Variants in RTN4 observed in about 807,000 individuals in gnomAD.
The protein encoded by RTN4 is reticulon-4.
In RTN4, 32 loss-of-function variants were observed where a neutral mutation model predicts 90.4. The ratio of observed to expected loss-of-function variants is 0.35; its 90% CI spans 0.27 to 0.48. RTN4 has a LOEUF of 0.48. Among genes scored for constraint, RTN4 ranks in the 20% least tolerant of loss-of-function variants. RTN4 has a pLI of 0.99. For missense variants in RTN4, 1,706 were observed against 1,430.2 expected, an observed-to-expected ratio of 1.19 and a Z score of -3.11; for synonymous variants, 629 against 552.5, an observed-to-expected ratio of 1.14 and a Z score of -1.94.
chr2:55,136,782 C>A, the RTN4 span, among the ~76,000 whole-genome samples: 1 of 152,228 alleles, frequency 6.6e-6, no homozygotes, highest in Non-Finnish European at 1.5e-5. Flanking sequence ...CGCATTATTT[C>A]TATTGGACAG....
chr2:55,014,610 C>G (rs1392020982), intron 3 of RTN4: 1 of 152,010 alleles, frequency 6.6e-6, no homozygotes, highest in African/African-American at 2.4e-5. Context: ...CTCCACCTCC[C>G]GGGTTCAAGT....
At chr2:55,050,591 C>G, upstream of RTN4, 1 of 258,272 alleles carries the variant, frequency 3.9e-6, no homozygotes, top group Non-Finnish European at 7.4e-6. This position sits in a 1 kb window ranked among gnomAD's most constrained non-coding sequence, Gnocchi z 4.6. Flanking sequence ...CAGGGGAGGG[C>G]AGGGACTGGC....
At chr2:55,040,287 G>A (rs1682982659) in intron 1 of RTN4, among the ~76,000 whole-genome samples, 1 of 152,076 alleles carries the variant, frequency 6.6e-6, no homozygotes, top group African/African-American at 2.4e-5. Context: ...ATTTAACAAT[G>A]ATGTTGATGA....
At chr2:55,132,480 G>A in the RTN4 span, among the ~76,000 whole-genome samples, 2 of 149,346 alleles carry the variant, frequency 1.3e-5, no homozygotes, top group South Asian at 2.1e-4. Context: ...TCCAGCCTGG[G>A]CAACAGAGTG....
chr2:55,071,018 T>C (rs13403422), intron 2 of RTN4, among the ~76,000 whole-genome samples: 126,220 of 150,858 alleles, frequency 0.84, 53,028 homozygotes, highest in Middle Eastern at 0.94. Flanking sequence ...CCTCGTGATC[T>C]TCCCACCTCG....
intron 3 of RTN4, among the ~76,000 whole-genome samples, chr2:55,022,888 C>T (rs554403648): frequency 7.6e-5 from 11 of 145,440 alleles, no homozygotes; most frequent in African/African-American, 2.9e-4. Context: ...ATTCTAAATT[C>T]AACATCCAAC....
At chr2:55,037,888 T>C (rs1488108525) in intron 1 of RTN4, among the ~76,000 whole-genome samples, 1 of 152,206 alleles carries the variant, frequency 6.6e-6, no homozygotes, top group Non-Finnish European at 1.5e-5. Flanking sequence ...TACTTAATTT[T>C]ACGACTTGCT....
chr2:55,085,782 C>T (rs570950339), intron 1 of RTN4, among the ~76,000 whole-genome samples: 40 of 152,296 alleles, frequency 2.6e-4, no homozygotes, highest in African/African-American at 8.9e-4. Context: ...TTATTGAAGG[C>T]CTGGCCCCTT....
intron 1 of RTN4, among the ~76,000 whole-genome samples, chr2:55,092,990 T>C (rs1453605112): frequency 1.3e-5 from 2 of 152,236 alleles, no homozygotes; most frequent in Non-Finnish European, 2.9e-5. Context: ...CAGTGTTGCT[T>C]ACTGAGTTCT....
Position 55,050,118 on chromosome 2 carries a change from G to A in RTN4, c.183C>T (p.Ala61=). 6.6e-7 allele frequency: 1 copy of A among 1,509,034 alleles called. No individual in the cohort carries two copies. The highest frequency in any genetic ancestry group is 8.8e-7 in the Non-Finnish European group (1 of 1,134,112). The allele number at this position is 1,509,034 out of a possible 1,614,324, so 93.5% of individuals were successfully genotyped here. ...TGGGCACTGGGGCCGCGGACAGCCC[G>A]GCGGCGGGCTTCCTCTCCAGCACCT... ...ELEVLERKPA[A]GLSAAPVPTA... Residue 61 remains alanine, a synonymous_variant, in exon 1 of 9, where the codon GCC becomes GCT. Coordinates refer to ENST00000337526, the MANE Select transcript of RTN4 (RefSeq NM_020532.5). The surrounding 1 kb of genome is among the most constrained non-coding windows in gnomAD (Gnocchi z 4.6).
intron 1 of RTN4, among the ~76,000 whole-genome samples, chr2:55,030,295 A>C (rs1288182353): frequency 6.6e-6 from 1 of 152,162 alleles, no homozygotes; most frequent in African/African-American, 2.4e-5. Context: ...AAAGTTTTCA[A>C]ATTGGTATTT....
At chr2:55,031,734 C>T (rs1358028232) in intron 1 of RTN4, among the ~76,000 whole-genome samples, 2 of 152,174 alleles carry the variant, frequency 1.3e-5, no homozygotes, top group African/African-American at 2.4e-5. Flanking sequence ...AACACAGCCA[C>T]GCCCATTCAC....
intron 3 of RTN4, among the ~76,000 whole-genome samples, chr2:54,998,522 A>C (rs573222890): frequency 6.6e-6 from 1 of 152,258 alleles, no homozygotes; most frequent in African/African-American, 2.4e-5. Flanking sequence ...TATTTACACT[A>C]TTTTCAGATG....
At chr2:55,095,408 A>G (rs1669013766) in intron 1 of RTN4, among the ~76,000 whole-genome samples, 1 of 152,154 alleles carries the variant, frequency 6.6e-6, no homozygotes, top group Non-Finnish European at 1.5e-5. Context: ...TTTTTGTAAA[A>G]TAATTTTAAA....
At chr2:55,047,223 G>A (rs959057222) in intron 1 of RTN4, among the ~76,000 whole-genome samples, 11 of 151,752 alleles carry the variant, frequency 7.2e-5, no homozygotes, top group Admixed American at 3.3e-4. Context: ...CCAGCTACTC[G>A]GGAGGCTGAG....
chr2:55,119,508 T>A, the RTN4 span, among the ~76,000 whole-genome samples: 2 of 152,120 alleles, frequency 1.3e-5, no homozygotes, highest in African/African-American at 4.8e-5. Context: ...CACAGACTTA[T>A]TGGATGCAAG....
At chr2:55,109,701 G>A (rs1042304578) in intron 1 of RTN4, among the ~76,000 whole-genome samples, 3 of 152,174 alleles carry the variant, frequency 2.0e-5, no homozygotes, top group African/African-American at 7.2e-5. Context: ...CATGTTAGGG[G>A]TTTGTCCAAG....
At chr2:55,008,142 A>AACACACACACACACACACACACAC (rs200633765) in intron 3 of RTN4, among the ~76,000 whole-genome samples, 2 of 145,030 alleles carry the variant, frequency 1.4e-5, no homozygotes, top group African/African-American at 5.1e-5. Context: ...TCGGCAAGCA[A>AACACACACACACACACACACACAC]ACACACACAC....
At position 55,026,571 on chromosome 2, in the gene RTN4, T is replaced by C. The variant is rs1479713501; in HGVS notation, c.1528A>G (p.Thr510Ala). The change falls in exon 3 of 9, where the codon ACT becomes GCT. Residue 510 changes from threonine to alanine, a missense_variant. By Grantham distance (58) the Thr-to-Ala change is moderately conservative. Transcript: ENST00000337526. ...KKAQIVTEKN[T>A]STKTSNPFLV... ...AAAGGGTTTGATGTTTTGGTGCTAG[T>C]ATTCTTCTCTGTTACTATTTGGGCC... 3 of 1,613,150 alleles carry C rather than the reference T, an allele frequency of 1.9e-6. No homozygotes were observed. The highest frequency in any genetic ancestry group is 2.5e-6 in the Non-Finnish European group (3 of 1,179,858).
Sources: allele counts gnomAD v4.1 joint callset (sites outside exome capture counted in the v4.1 genomes callset), GRCh38; gene constraint gnomAD v4.1.1; non-coding constraint Gnocchi (gnomAD v3.1); transcripts MANE v1.5; gene names NCBI Gene and HGNC (gene_info 2026-07-23, HGNC 2026-07-21).